Variants in C2CD3 observed in about 807,000 individuals in gnomAD.
The protein encoded by C2CD3 is C2 domain-containing protein 3.
In C2CD3, 148 loss-of-function variants were observed where a neutral mutation model predicts 234.0. The observed-to-expected ratio is 0.63, with a 90% CI of 0.55 to 0.72. C2CD3 has a LOEUF of 0.72. Ranked by LOEUF, C2CD3 falls within the 30% of genes least tolerant of loss-of-function variation. The pLI is 0.00. For synonymous variants in C2CD3, 1,000 were observed against 1,035.4 expected (o/e 0.97, Z 0.66); for missense variants, 2,577 against 2,811.5 (o/e 0.92, Z 1.89).
intron 7 of C2CD3, among the ~76,000 whole-genome samples, chr11:74,131,279 A>C (rs1410685854): frequency 6.6e-6 from 1 of 151,190 alleles, no homozygotes; most frequent in Non-Finnish European, 1.5e-5. Context: ...GCCGAGATCA[A>C]GCCATTACAC....
intron 3 of C2CD3, among the ~76,000 whole-genome samples, chr11:74,147,026 G>C (rs571962491): frequency 6.6e-6 from 1 of 151,512 alleles, no homozygotes; most frequent in Non-Finnish European, 1.5e-5. Flanking sequence ...GCTCCAGCCT[G>C]GATGACAGAG....
Position 74,037,609 on chromosome 11 carries a change from G to A in C2CD3, c.5750C>T (p.Thr1917Met), listed in dbSNP as rs111412489. Residue 1917 changes from threonine (T) to methionine (M), a missense_variant, in exon 30 of 33, where the codon ACG (threonine) becomes ATG (methionine). Transcript: ENST00000334126. ...PFLPLSPQTQ[T>M]AISQHQESCR... ...GCTCTCCTGGTGCTGTGAGATGGCC[G>A]TTTGAGTCTGAGGGCTGAGGGGTAG... The A allele has an allele frequency of 3.1e-5, 50 of 1,613,986 alleles. No individual in the cohort carries two copies. The highest frequency in any genetic ancestry group is 4.1e-5 in the Non-Finnish European group (48 of 1,179,998).
At chr11:74,069,313 T>A (rs1190282412) in intron 24 of C2CD3, among the ~76,000 whole-genome samples, 1 of 152,164 alleles carries the variant, frequency 6.6e-6, no homozygotes, top group Admixed American at 6.5e-5. Flanking sequence ...CCTGTTTACA[T>A]TCTGAAAAAG....
At chr11:74,096,638 G>T (rs1454504423) in intron 16 of C2CD3, among the ~76,000 whole-genome samples, 1 of 152,076 alleles carries the variant, frequency 6.6e-6, no homozygotes. Flanking sequence ...AATCCCACAG[G>T]TAAATCTTTC....
chr11:74,045,382 C>T (rs1292096259), intron 28 of C2CD3, among the ~76,000 whole-genome samples: 1 of 152,086 alleles, frequency 6.6e-6, no homozygotes, highest in Non-Finnish European at 1.5e-5. Context: ...TTCCATGTGC[C>T]TTGAATTTCC....
chr11:74,076,528 A>G (rs998730828), intron 23 of C2CD3, among the ~76,000 whole-genome samples: 1 of 152,238 alleles, frequency 6.6e-6, no homozygotes, highest in Non-Finnish European at 1.5e-5. Flanking sequence ...CTCCTCTTGT[A>G]TTCAGGAACC....
intron 20 of C2CD3, among the ~76,000 whole-genome samples, chr11:74,089,433 A>T (rs2135479901): frequency 6.6e-6 from 1 of 152,360 alleles, no homozygotes; most frequent in African/African-American, 2.4e-5. Context: ...GCAGTAACTG[A>T]AAGAGTCTAC....
chr11:74,062,145 A>G (rs2135446030), intron 24 of C2CD3, among the ~76,000 whole-genome samples: 1 of 152,328 alleles, frequency 6.6e-6, no homozygotes, highest in Admixed American at 6.5e-5. Flanking sequence ...AGATCTACAA[A>G]GAGACTTAGA....
chr11:74,079,234 A>G (rs1235753851), intron 22 of C2CD3, among the ~76,000 whole-genome samples: 1 of 152,196 alleles, frequency 6.6e-6, no homozygotes, highest in Non-Finnish European at 1.5e-5. Context: ...ACCAGGTGCT[A>G]GATTTCAAAA....
Position 74,090,901 on chromosome 11 carries a change from G to A in C2CD3, c.3553C>T (p.Pro1185Ser), listed in dbSNP as rs1380796749. The A allele has an allele frequency of 6.2e-7, 1 of 1,614,022 alleles. No individual in the cohort carries two copies. Among genetic ancestry groups the A allele is most frequent in the Admixed American group, 1.7e-5 (1 of 60,018 alleles). ...LDVGLRYRRS[P>S]RTAEGVLAAR... is the part of the protein sequence containing the mutation. Reference sequence around the variant, plus strand: ...GCAAGAACTCCCTCTGCTGTTCTTGGACTACGCCTGTACCTTAGGCCCACA... The same window carrying A: ...GCAAGAACTCCCTCTGCTGTTCTTGAACTACGCCTGTACCTTAGGCCCACA... Residue 1185 changes from proline (P) to serine (S), a missense_variant, in exon 20 of 33, where the codon CCA becomes TCA. Transcript: ENST00000334126.
intron 27 of C2CD3, 68 bp downstream of exon 27, chr11:74,049,269 T>C (rs1953552951): frequency 7.6e-6 from 10 of 1,323,208 alleles, no homozygotes; most frequent in South Asian, 2.4e-5. Flanking sequence ...GTGCCAAACA[T>C]GAGTAAAGGA....
intron 31 of C2CD3, among the ~76,000 whole-genome samples, chr11:74,031,118 C>T (rs549281249): frequency 7.9e-4 from 120 of 152,314 alleles, no homozygotes; most frequent in African/African-American, 2.9e-3. Flanking sequence ...TCTGACCATA[C>T]CACACTCTTG....
At chr11:74,028,753 A>T (rs929426906) in intron 31 of C2CD3, among the ~76,000 whole-genome samples, 2 of 152,194 alleles carry the variant, frequency 1.3e-5, no homozygotes, top group African/African-American at 2.4e-5. Context: ...AAATTTCTCA[A>T]TGGCACAGAC....
chr11:74,059,348 T>C (rs1455927335), intron 24 of C2CD3, among the ~76,000 whole-genome samples: 1 of 146,190 alleles, frequency 6.8e-6, no homozygotes, highest in East Asian at 2.0e-4. Flanking sequence ...GAGGCGGAGC[T>C]TGCAGTGAGC....
intron 3 of C2CD3, among the ~76,000 whole-genome samples, chr11:74,148,981 A>G (rs1855409214): frequency 6.6e-6 from 1 of 152,210 alleles, no homozygotes; most frequent in Admixed American, 6.5e-5. Context: ...ATTTTGTTAC[A>G]TAAAACAAGT....
chr11:74,047,312 G>A (rs561244909), intron 28 of C2CD3, among the ~76,000 whole-genome samples: 30 of 152,314 alleles, frequency 2.0e-4, no homozygotes, highest in African/African-American at 7.0e-4. Context: ...CAAAAGGCAA[G>A]CCATTAACCT....
chr11:74,045,510 T>A (rs1288971562), intron 28 of C2CD3, among the ~76,000 whole-genome samples: 1 of 152,208 alleles, frequency 6.6e-6, no homozygotes, highest in East Asian at 1.9e-4. Flanking sequence ...ATATTAAGTC[T>A]GTTAATCCAT....
chr11:74,161,280 T>A (rs902540424), intron 3 of C2CD3, 119 bp downstream of exon 3: 1 of 536,422 alleles, frequency 1.9e-6, no homozygotes, highest in Non-Finnish European at 3.1e-6. Flanking sequence ...GGCAAAGGCA[T>A]GAGGTGGAAA....
At chr11:74,134,566 A>T (rs1049582898) in intron 5 of C2CD3, among the ~76,000 whole-genome samples, 1 of 152,202 alleles carries the variant, frequency 6.6e-6, no homozygotes, top group Non-Finnish European at 1.5e-5. Flanking sequence ...CAGGCCCAAT[A>T]GTATTGTTCC....
Sources: gnomAD v4.1 joint callset for allele counts (sites outside exome capture counted in the v4.1 genomes callset) on GRCh38, gnomAD v4.1.1 for gene constraint, MANE v1.5 for transcripts, NCBI Gene and HGNC (gene_info 2026-07-23, HGNC 2026-07-21) for gene names.